TTYH2: variants seen among roughly 807,000 people sequenced by gnomAD.
The protein encoded by TTYH2 is protein tweety homolog 2.
In TTYH2, 49 loss-of-function variants were observed where a neutral mutation model predicts 68.3. That is an observed-to-expected ratio of 0.72 (90% CI 0.57 to 0.91). TTYH2 has a LOEUF of 0.91. Ranked by LOEUF, TTYH2 falls within the 40% of genes least tolerant of loss-of-function variation. The pLI is 0.00. For missense variants in TTYH2, 631 were observed against 700.4 expected (o/e 0.90, Z 1.12); for synonymous variants, 272 against 300.8 (o/e 0.90, Z 0.99).
At position 74,215,605 on chromosome 17, in the gene TTYH2, C is replaced by A. The variant is rs1243917937; in HGVS notation, c.129+1889C>A. On this transcript the variant is annotated intron_variant, in intron 1 of 13. Coordinates refer to ENST00000269346, the MANE Select transcript of TTYH2 (RefSeq NM_032646.6). This position sits in a 1 kb window ranked among gnomAD's most constrained non-coding sequence, Gnocchi z 4.3. ...CCAGCCCTGCCCACTGGCTCCTGGT[C>A]CCGCTCACCCCCTCACCACCACTCA... 6 of 1,534,534 alleles carry A rather than the reference C, an allele frequency of 3.9e-6. No homozygotes were observed. The highest frequency in any genetic ancestry group is 3.5e-6 in the Non-Finnish European group (4 of 1,146,326).
intron 2 of TTYH2, among the ~76,000 whole-genome samples, chr17:74,223,508 C>T (rs2050299746): frequency 6.6e-6 from 1 of 152,178 alleles, no homozygotes; most frequent in African/African-American, 2.4e-5. Context: ...ACTGGGATTA[C>T]AGGCATGAGC....
rs757949186 is a variant in TTYH2 at position 74,243,410 on chromosome 17, G to A, written c.672G>A (p.Leu224=). The change falls in exon 5 of 14, where the codon CTG becomes CTA. Residue 224 remains leucine (L), a synonymous_variant. Coordinates refer to ENST00000269346, the MANE Select transcript of TTYH2 (RefSeq NM_032646.6). ...ACCTCCTGCTCTTTATCCTGGACCTGGTCATCTGCCTCATTGCCTGCCTGG... is the reference window on the plus strand; with the variant it reads ...ACCTCCTGCTCTTTATCCTGGACCTAGTCATCTGCCTCATTGCCTGCCTGG... ...LSYLLLFILD[L]VICLIACLGL... The A allele has an allele frequency of 1.2e-6, 2 of 1,614,016 alleles. No individual in the cohort carries two copies. Among genetic ancestry groups the A allele is most frequent in the Non-Finnish European group, 1.7e-6 (2 of 1,180,024 alleles).
chr17:74,253,725 C>T, intron 12 of TTYH2, 30 bp from the exon 13 acceptor site: 1 of 1,610,814 alleles, frequency 6.2e-7, no homozygotes, highest in South Asian at 1.1e-5. Context: ...CCACACCATC[C>T]CCTCCTGAGC....
Position 74,249,032 on chromosome 17 carries a change from G to T in TTYH2, c.826G>T (p.Ala276Ser), listed in dbSNP as rs910230371. 1.2e-6 allele frequency: 2 copies of T among 1,614,124 alleles called. 1 individual carries two copies. The highest frequency in any genetic ancestry group is 1.7e-6 in the Non-Finnish European group (2 of 1,180,014). The change falls in exon 7 of 14, where the codon GCT becomes TCT. Residue 276 changes from alanine to serine, a missense_variant. Transcript: ENST00000269346. The part of the protein sequence containing the change: ...AAVATSDFCV[A>S]PDTFILNVTE... ...TCAGGCCACCAGTGACTTCTGTGTG[G>T]CTCCTGACACCTTCATCCTGAACGT... is the stretch of plus-strand genomic sequence containing the variant.
At chr17:74,230,293 C>A (rs1395204013) in intron 2 of TTYH2, among the ~76,000 whole-genome samples, 2 of 151,552 alleles carry the variant, frequency 1.3e-5, no homozygotes, top group Admixed American at 1.3e-4. Flanking sequence ...TAGGGTCTCA[C>A]TACGTTGCGC....
chr17:74,226,181 G>T (rs2050327730), intron 2 of TTYH2, among the ~76,000 whole-genome samples: 1 of 152,216 alleles, frequency 6.6e-6, no homozygotes, highest in South Asian at 2.1e-4. Context: ...AGTGCAGTTG[G>T]AGTTATAAAG....
intron 3 of TTYH2, among the ~76,000 whole-genome samples, chr17:74,231,943 G>C (rs1472333640): frequency 6.6e-6 from 1 of 152,168 alleles, no homozygotes; most frequent in Non-Finnish European, 1.5e-5. Context: ...TGGGGACCTG[G>C]CCCAGGGAGG....
Position 74,237,477 on chromosome 17 carries a change from A to G in TTYH2, c.598A>G (p.Lys200Glu). 1.9e-6 allele frequency: 3 copies of G among 1,613,824 alleles called. No individual in the cohort carries two copies. Among genetic ancestry groups the G allele is most frequent in the Non-Finnish European group, 2.5e-6 (3 of 1,179,830 alleles). Residue 200 changes from lysine to glutamate, a missense_variant, in exon 4 of 14, where the codon AAG (lysine) becomes GAG (glutamate). Physicochemically the swap from Lys to Glu is moderately conservative, Grantham distance 56. Transcript: ENST00000269346. Reference protein sequence around the residue: ...VWREVTMELTKLSDQTGYVEY... With the variant: ...VWREVTMELTELSDQTGYVEY... ...GAGGGAGGTCACCATGGAGCTGACC[A>G]AGCTATCCGACCAGACTGGCTACGT... is the stretch of plus-strand genomic sequence containing the variant.
At chr17:74,235,906 A>C (rs886657120) in intron 3 of TTYH2, among the ~76,000 whole-genome samples, 12 of 152,018 alleles carry the variant, frequency 7.9e-5, no homozygotes, top group African/African-American at 2.9e-4. Flanking sequence ...AAAAAAAAAA[A>C]AAAAACAAAA....
At chr17:74,216,316 G>A (rs1221510874) in intron 1 of TTYH2, among the ~76,000 whole-genome samples, 1 of 152,200 alleles carries the variant, frequency 6.6e-6, no homozygotes, top group Non-Finnish European at 1.5e-5. Flanking sequence ...AGTGCTGGCT[G>A]TGTGGGGTGT....
chr17:74,249,489 C>T, intron 8 of TTYH2, 90 bp downstream of exon 8: 5 of 1,441,486 alleles, frequency 3.5e-6, no homozygotes, highest in African/African-American at 1.4e-5. Flanking sequence ...GCGGAGGTGG[C>T]AGGGCCTTGC....
chr17:74,249,548 C>A, intron 8 of TTYH2, 149 bp downstream of exon 8: 1 of 848,532 alleles, frequency 1.2e-6, no homozygotes. Flanking sequence ...GGGGGGCGTG[C>A]TTTTGGTCGT....
At chr17:74,238,145 G>A (rs528630276) in intron 4 of TTYH2, among the ~76,000 whole-genome samples, 20 of 152,288 alleles carry the variant, frequency 1.3e-4, no homozygotes, top group Middle Eastern at 3.4e-3. Flanking sequence ...AGCATTCTTC[G>A]TGGCTGGTGC....
chr17:74,239,340 C>G lies in TTYH2; in HGVS notation c.635+1826C>G, dbSNP rs539839099. ...GCCCGGGCCTAGCATGGAGGAGGCACGTGGGGAGGGGAAGCATGAGTCAGG... is the reference window on the plus strand; with the variant it reads ...GCCCGGGCCTAGCATGGAGGAGGCAGGTGGGGAGGGGAAGCATGAGTCAGG... On this transcript the variant is annotated intron_variant, in intron 4 of 13. Coordinates refer to ENST00000269346, the MANE Select transcript of TTYH2 (RefSeq NM_032646.6). The surrounding 1 kb of genome is among the most constrained non-coding windows in gnomAD (Gnocchi z 5.3). Among the ~76,000 whole-genome samples, 17 of 152,178 alleles carry G rather than the reference C, an allele frequency of 1.1e-4. No individual in the cohort carries two copies. The highest frequency in any genetic ancestry group is 2.5e-4 in the Non-Finnish European group (17 of 68,030).
chr17:74,227,983 C>CTTTTTTT (rs35080135), intron 2 of TTYH2, among the ~76,000 whole-genome samples: 4,822 of 112,230 alleles, frequency 0.043, 812 homozygotes, highest in African/African-American at 0.21. Flanking sequence ...TCTTTTCTTT[C>CTTTTTTT]TTTTTTTTTT....
Position 74,246,077 on chromosome 17 carries a change from A to AG in TTYH2, c.804+2030dup, listed in dbSNP as rs113921468. Among the ~76,000 whole-genome samples the AG allele has an allele frequency of 2.5e-3, 381 of 152,328 alleles. 2 individuals carry two copies. Among genetic ancestry groups the AG allele is most frequent in the East Asian group, 0.014 (72 of 5,180 alleles). ...GGTGTCTGGGGTGAGGGGCTAGAGCAGGCAGAGAGGCTGGGAAGCCCTGGA... is the reference window on the plus strand; with the variant it reads ...GGTGTCTGGGGTGAGGGGCTAGAGCAGGGCAGAGAGGCTGGGAAGCCCTGGA... On this transcript the variant is annotated intron_variant, in intron 6 of 13. Coordinates refer to ENST00000269346, the MANE Select transcript of TTYH2 (RefSeq NM_032646.6).
rs997595699 is a variant in TTYH2, at chr17:74,241,119, T to A, written c.636-2255T>A. On this transcript the variant is annotated intron_variant, in intron 4 of 13. Coordinates refer to ENST00000269346, the MANE Select transcript of TTYH2 (RefSeq NM_032646.6). This position sits in a 1 kb window ranked among gnomAD's most constrained non-coding sequence, Gnocchi z 4.1. ...GCTCTCCCCACCAGGGGCCTTGGCT[T>A]TCTAATCTGTACTAATCTGTAGAAT... 2 of 152,136 alleles carry A rather than the reference T, an allele frequency of 1.3e-5. No individual in the cohort carries two copies. The highest frequency in any genetic ancestry group is 4.8e-5 in the African/African-American group (2 of 41,394). 9.4% of individuals were successfully genotyped at this position (152,136 alleles called of 1,614,324 possible).
intron 3 of TTYH2, among the ~76,000 whole-genome samples, chr17:74,235,687 C>T (rs1047730092): frequency 9.9e-5 from 15 of 151,936 alleles, no homozygotes; most frequent in African/African-American, 3.6e-4. Flanking sequence ...GCCAGGAGCT[C>T]GAGAGACCAG....
intron 2 of TTYH2, among the ~76,000 whole-genome samples, chr17:74,223,067 C>T (rs554699420): frequency 1.4e-5 from 2 of 147,130 alleles, no homozygotes; most frequent in African/African-American, 2.7e-5. Flanking sequence ...CTTTTAGTGC[C>T]GTTAGCCAGT....
Sources: gnomAD v4.1 joint callset for allele counts (sites outside exome capture counted in the v4.1 genomes callset) on GRCh38, gnomAD v4.1.1 for gene constraint, Gnocchi (gnomAD v3.1) non-coding constraint, MANE v1.5 for transcripts, NCBI Gene and HGNC (gene_info 2026-07-23, HGNC 2026-07-21) for gene names.